ASTN2: variants seen among roughly 807,000 people sequenced by gnomAD.
The protein encoded by ASTN2 is astrotactin-2.
ASTN2 carries 54 observed loss-of-function variants against 139.8 expected under a neutral mutation model. That is an observed-to-expected ratio of 0.39 (90% CI 0.31 to 0.48). ASTN2 has a LOEUF of 0.48. Ranked by LOEUF, ASTN2 falls within the 20% of genes least tolerant of loss-of-function variation. ASTN2 has a pLI of 0.95. For synonymous variants in ASTN2, 756 were observed against 719.5 expected (o/e 1.05, Z -0.81); for missense variants, 1,565 against 1,725.1 (o/e 0.91, Z 1.64).
intron 10 of ASTN2, among the ~76,000 whole-genome samples, chr9:116,899,130 A>G (rs1445713345): frequency 6.6e-6 from 1 of 152,188 alleles, no homozygotes; most frequent in Non-Finnish European, 1.5e-5. Flanking sequence ...TCAGCTACAC[A>G]TGAATATACC....
chr9:116,479,958 C>T (rs1261553617), intron 20 of ASTN2, among the ~76,000 whole-genome samples: 1 of 152,144 alleles, frequency 6.6e-6, no homozygotes. Flanking sequence ...AGTCAAGTTA[C>T]CTAACCTCTC....
At position 117,238,594 on chromosome 9, in the gene ASTN2, T is replaced by C. The variant is rs75175940; in HGVS notation, c.631-23852A>G. Among the ~76,000 whole-genome samples, 705 of 152,328 alleles carry C rather than the reference T, an allele frequency of 4.6e-3. 4 individuals carry two copies. Among genetic ancestry groups the C allele is most frequent in the African/African-American group, 0.015 (620 of 41,590 alleles). ...CTCTTCTCAGTTGGCCCTCCTTTCA[T>C]TGAGCACCTTCAGTGATGAGAAACT... On this transcript the variant is annotated intron_variant, in intron 2 of 22. Coordinates refer to ENST00000313400, the MANE Select transcript of ASTN2 (RefSeq NM_001365068.1).
chr9:116,881,164 C>A (rs763391227), intron 10 of ASTN2, among the ~76,000 whole-genome samples: 1 of 152,094 alleles, frequency 6.6e-6, no homozygotes, highest in Non-Finnish European at 1.5e-5. Context: ...GCATAAATAC[C>A]CATACCCAAT....
chr9:116,582,723 G>C (rs1206274327), intron 19 of ASTN2: 1 of 152,210 alleles, frequency 6.6e-6, no homozygotes, highest in African/African-American at 2.4e-5. Flanking sequence ...GTTCACAGTT[G>C]AGCAAAAGAA....
intron 6 of ASTN2, among the ~76,000 whole-genome samples, chr9:117,019,827 G>A (rs771665375): frequency 1.4e-4 from 21 of 152,172 alleles, no homozygotes; most frequent in Non-Finnish European, 2.9e-4. Flanking sequence ...TTCACTCTGT[G>A]AACCTTGCGG....
chr9:116,688,810 A>G (rs1441251366), intron 16 of ASTN2, among the ~76,000 whole-genome samples: 1 of 152,092 alleles, frequency 6.6e-6, no homozygotes, highest in Non-Finnish European at 1.5e-5. Context: ...TTACAGCTTG[A>G]AGGGGCAGTG....
intron 10 of ASTN2, among the ~76,000 whole-genome samples, chr9:116,964,690 G>C (rs937476206): frequency 1.3e-5 from 2 of 152,196 alleles, no homozygotes; most frequent in Admixed American, 6.5e-5. Context: ...GATGTGGGTA[G>C]TTTGTTCATA....
At chr9:117,037,819 C>G (rs1409186245) in intron 6 of ASTN2, among the ~76,000 whole-genome samples, 1 of 152,110 alleles carries the variant, frequency 6.6e-6, no homozygotes, top group African/African-American at 2.4e-5. Flanking sequence ...CATTTTCTGG[C>G]CACTTCCAGG....
At chr9:116,680,832 G>A (rs1207293043) in intron 16 of ASTN2, among the ~76,000 whole-genome samples, 1 of 152,136 alleles carries the variant, frequency 6.6e-6, no homozygotes, top group Non-Finnish European at 1.5e-5. Context: ...CAACCTTCAT[G>A]CTAAAAACTC....
intron 16 of ASTN2, among the ~76,000 whole-genome samples, chr9:116,713,621 G>A (rs1828231523): frequency 6.6e-6 from 1 of 152,178 alleles, no homozygotes; most frequent in South Asian, 2.1e-4. Flanking sequence ...AACTTTGGGA[G>A]TGCCCACTTT....
intron 16 of ASTN2, among the ~76,000 whole-genome samples, chr9:116,695,447 T>C (rs991246036): frequency 1.3e-5 from 2 of 152,220 alleles, no homozygotes; most frequent in Non-Finnish European, 2.9e-5. Context: ...TTTGTCAGAT[T>C]GCATTCCAAA....
In ASTN2 at chr9:117,199,463, T is replaced by C. The variant is rs567523689; in HGVS notation, c.1015+14895A>G. Among the ~76,000 whole-genome samples the C allele has an allele frequency of 5.9e-5, 9 of 152,186 alleles. 1 individual carries two copies. Among genetic ancestry groups the C allele is most frequent in the Admixed American group, 6.5e-5 (1 of 15,286 alleles). On this transcript the variant is annotated intron_variant, in intron 3 of 22. Transcript: ENST00000313400. ...GTGGTGTTATTTCTGAAGTCTCTGT[T>C]CTGTTCCATTGGTCTATATGTCTGT...
At chr9:116,523,897 C>G (rs992090423) in intron 19 of ASTN2, among the ~76,000 whole-genome samples, 4 of 152,168 alleles carry the variant, frequency 2.6e-5, no homozygotes, top group South Asian at 2.1e-4. Context: ...GGCAAAGGAA[C>G]AGAGCTGAGT....
intron 10 of ASTN2, among the ~76,000 whole-genome samples, chr9:116,866,010 C>T (rs1420456304): frequency 6.6e-6 from 1 of 152,154 alleles, no homozygotes; most frequent in Non-Finnish European, 1.5e-5. Context: ...ATGTTACCGC[C>T]TTTGTGAAAC....
At chr9:117,167,446 C>T (rs1301742267) in intron 3 of ASTN2, among the ~76,000 whole-genome samples, 1 of 152,086 alleles carries the variant, frequency 6.6e-6, no homozygotes, top group Non-Finnish European at 1.5e-5. Context: ...CTTCTCTCTT[C>T]ATTTTAACCA....
At chr9:117,244,585 GGGAGGGAGGGAGGGAGGGAGGA>G (rs1833315446) in intron 2 of ASTN2, among the ~76,000 whole-genome samples, 1 of 12,256 alleles carries the variant, frequency 8.2e-5, no homozygotes, top group Non-Finnish European at 8.2e-4. Flanking sequence ...GAGGGAGGGA[GGGAGGGAGGGAGGGAGGGAGGA>G]GAGGGAGGGA....
chr9:116,750,341 A>G (rs2132152502), intron 13 of ASTN2, among the ~76,000 whole-genome samples: 1 of 152,322 alleles, frequency 6.6e-6, no homozygotes. Context: ...TTGGAATCAG[A>G]ACATATGGCA....
chr9:117,250,896 T>C (rs1458377198), intron 2 of ASTN2, among the ~76,000 whole-genome samples: 1 of 151,740 alleles, frequency 6.6e-6, no homozygotes, highest in African/African-American at 2.4e-5. Flanking sequence ...TGAGTTGGAG[T>C]GATCTGATGA....
chr9:117,021,983 A>G (rs1394603705), intron 6 of ASTN2, among the ~76,000 whole-genome samples: 2 of 152,172 alleles, frequency 1.3e-5, no homozygotes, highest in Admixed American at 6.6e-5. Context: ...AACAAACACA[A>G]TAACCAAGAC....
Sources: gnomAD v4.1 joint callset for allele counts (sites outside exome capture counted in the v4.1 genomes callset) on GRCh38, gnomAD v4.1.1 for gene constraint, MANE v1.5 for transcripts, NCBI Gene and HGNC (gene_info 2026-07-23, HGNC 2026-07-21) for gene names.